Variants in EHBP1 observed in about 807,000 individuals in gnomAD.
The protein encoded by EHBP1 is EH domain-binding protein 1.
In EHBP1, 55 loss-of-function variants were observed where a neutral mutation model predicts 144.0. The observed-to-expected ratio is 0.38, with a 90% confidence interval of 0.31 to 0.48. EHBP1 has a LOEUF of 0.48. Among genes scored for constraint, EHBP1 ranks in the 20% least tolerant of loss-of-function variants. The pLI is 0.98. For missense variants in EHBP1, 1,200 were observed against 1,364.2 expected (o/e 0.88, Z 1.90); for synonymous variants, 469 against 472.7 (o/e 0.99, Z 0.10).
chr2:62,990,217 A>G (rs2059359206), intron 15 of EHBP1, among the ~76,000 whole-genome samples: 1 of 152,176 alleles, frequency 6.6e-6, no homozygotes, highest in African/African-American at 2.4e-5. Flanking sequence ...TTATATAGGT[A>G]CATATATAAA....
intron 3 of EHBP1, among the ~76,000 whole-genome samples, chr2:62,757,772 A>G (rs370672378): frequency 1.3e-5 from 2 of 151,648 alleles, no homozygotes; most frequent in South Asian, 2.1e-4. Flanking sequence ...GTAGCTTACT[A>G]TTTTTCTTTA....
chr2:62,910,767 G>A (rs1305089514), intron 10 of EHBP1, among the ~76,000 whole-genome samples: 1 of 152,058 alleles, frequency 6.6e-6, no homozygotes, highest in African/African-American at 2.4e-5. Context: ...AGCTAAAATA[G>A]CTGCAAGGTC....
At chr2:62,941,477 A>G (rs1340174895) in intron 10 of EHBP1, among the ~76,000 whole-genome samples, 2 of 152,180 alleles carry the variant, frequency 1.3e-5, no homozygotes, top group Non-Finnish European at 2.9e-5. Flanking sequence ...GGTTGTTTAC[A>G]TAATATTTTG....
At chr2:62,930,804 T>C (rs1429485349) in intron 10 of EHBP1, among the ~76,000 whole-genome samples, 5 of 152,036 alleles carry the variant, frequency 3.3e-5, no homozygotes, top group African/African-American at 1.2e-4. Context: ...ACAAATAATA[T>C]TGGAAAATTA....
At chr2:62,979,403 T>C (rs577373366) in intron 15 of EHBP1, 68 bp downstream of exon 15, 1 of 1,498,056 alleles carries the variant, frequency 6.7e-7, no homozygotes, top group Non-Finnish European at 9.0e-7. Context: ...TTTGGGACTT[T>C]TTATTCTTAC....
intron 5 of EHBP1, among the ~76,000 whole-genome samples, chr2:62,820,960 T>C (rs1481636736): frequency 6.6e-6 from 1 of 150,790 alleles, no homozygotes; most frequent in East Asian, 1.9e-4. Context: ...GGGTGGTGAG[T>C]ATAGGATATT....
intron 5 of EHBP1, among the ~76,000 whole-genome samples, chr2:62,820,225 G>GA (rs372533264): frequency 0.15 from 15,185 of 100,676 alleles, 942 homozygotes; most frequent in Non-Finnish European, 0.21. Flanking sequence ...AAAAAAAAAA[G>GA]AAAAAAAAAA....
intron 5 of EHBP1, among the ~76,000 whole-genome samples, chr2:62,807,323 G>C (rs373891489): frequency 2.6e-5 from 4 of 152,210 alleles, no homozygotes; most frequent in Non-Finnish European, 5.9e-5. Flanking sequence ...TGAGGCAGGC[G>C]GATCACCTGA....
intron 3 of EHBP1, among the ~76,000 whole-genome samples, chr2:62,756,982 C>G (rs2040347217): frequency 6.6e-6 from 1 of 152,080 alleles, no homozygotes; most frequent in Non-Finnish European, 1.5e-5. Context: ...AGTTAGGTAT[C>G]AGTTACGTTA....
Position 62,900,682 on chromosome 2 carries a change from G to GTATATATATATATATATATATATATA in EHBP1, c.1185+26151_1185+26152insATATATATATATATATATATATATAT, listed in dbSNP as rs1445035888. 2.7e-3 allele frequency among the ~76,000 whole-genome samples: 393 copies of GTATATATATATATATATATATATATA among 144,274 alleles called. 15 individuals are homozygous for GTATATATATATATATATATATATATA. The highest frequency in any genetic ancestry group is 0.01 in the African/African-American group (369 of 35,478). 94.6% of individuals were successfully genotyped at this position (144,274 alleles called of 152,430 possible). A position where few individuals can be genotyped will look rare whatever the true frequency, so the allele number is the denominator to read the frequency against. On this transcript the variant is annotated intron_variant, in intron 10 of 22. Transcript: ENST00000431489. ...TTGTTTTTTGTGGGTGTGTGTGTAT[G>GTATATATATATATATATATATATATA]TGTATATATATATATATATATTTTC...
intron 19 of EHBP1, among the ~76,000 whole-genome samples, chr2:63,005,349 A>C (rs990280151): frequency 5.9e-5 from 9 of 152,076 alleles, no homozygotes; most frequent in African/African-American, 2.2e-4. Flanking sequence ...AGATCCCCAG[A>C]TATATGACTT....
chr2:62,767,063 A>G (rs894925796), intron 4 of EHBP1, among the ~76,000 whole-genome samples: 1 of 151,850 alleles, frequency 6.6e-6, no homozygotes, highest in Non-Finnish European at 1.5e-5. Context: ...GGTAAGAGGA[A>G]GGGCATCAGT....
At chr2:62,970,334 A>G (rs969189352) in intron 14 of EHBP1, among the ~76,000 whole-genome samples, 13 of 152,212 alleles carry the variant, frequency 8.5e-5, no homozygotes, top group African/African-American at 3.1e-4. Context: ...CTAAGGCTGT[A>G]TGAAACACCG....
rs191782820 is a variant in EHBP1, at chr2:62,753,116, G to T, written c.162+5664G>T. Among the ~76,000 whole-genome samples the T allele has an allele frequency of 1.8e-4, 28 of 152,234 alleles. No homozygotes were observed. The South Asian group carries it at 2.3e-3, about 12-fold the overall frequency. ...TAGCATCGATGGTCTTTACAATTTG[G>T]CATGTTTTTACAGTGGCTGGTACTG... On this transcript the variant is annotated intron_variant, in intron 3 of 22. Coordinates refer to ENST00000431489, the MANE Select transcript of EHBP1 (RefSeq NM_001142616.3).
intron 19 of EHBP1, among the ~76,000 whole-genome samples, chr2:63,025,865 T>C (rs1306440184): frequency 6.6e-6 from 1 of 152,162 alleles, no homozygotes. Context: ...AAATGGCAAT[T>C]AGCACAAGGA....
intron 19 of EHBP1, among the ~76,000 whole-genome samples, chr2:62,997,196 A>G (rs1029485016): frequency 2.6e-5 from 4 of 152,122 alleles, no homozygotes; most frequent in African/African-American, 9.7e-5. Context: ...TGAGAATACT[A>G]TCTGGTTACT....
chr2:62,950,661 CA>C (rs1342942732), intron 13 of EHBP1, among the ~76,000 whole-genome samples: 1 of 151,678 alleles, frequency 6.6e-6, no homozygotes, highest in East Asian at 1.9e-4. Flanking sequence ...ATTTCGAGAC[CA>C]AAAAATTGGG....
chr2:63,036,841 G>A (rs1398342676), intron 19 of EHBP1, among the ~76,000 whole-genome samples: 1 of 151,828 alleles, frequency 6.6e-6, no homozygotes, highest in Non-Finnish European at 1.5e-5. Context: ...TAGCGATGGA[G>A]AATTTTAAGT....
chr2:62,831,281 C>T, intron 7 of EHBP1, 123 bp downstream of exon 7: 1 of 932,080 alleles, frequency 1.1e-6, no homozygotes, highest in East Asian at 2.9e-5. Context: ...TTAAGCCTTT[C>T]TACAATAAAA....
Sources: allele counts gnomAD v4.1 joint callset (sites outside exome capture counted in the v4.1 genomes callset), GRCh38; gene constraint gnomAD v4.1.1; transcripts MANE v1.5; gene names NCBI Gene and HGNC (gene_info 2026-07-23, HGNC 2026-07-21).